The following DPP6 variants were observed in gnomAD, a reference collection of about 807,000 sequenced individuals.
DPP6 encodes A-type potassium channel modulatory protein DPP6.
A neutral mutation model predicts 122.6 loss-of-function variants in DPP6; 69 were observed. The ratio of observed to expected loss-of-function variants is 0.56; its 90% CI spans 0.46 to 0.69. DPP6 has a LOEUF of 0.69. Ranked by LOEUF, DPP6 falls within the 30% of genes least tolerant of loss-of-function variation. The probability of loss-of-function intolerance (pLI) is 0.00; values close to 1 mark genes in which losing one functional copy is unlikely to be tolerated. For synonymous variants in DPP6, 418 were observed against 433.1 expected, an observed-to-expected ratio of 0.97 and a Z score of 0.43; for missense variants, 928 against 1,116.9, an observed-to-expected ratio of 0.83 and a Z score of 2.41.
intron 1 of DPP6, among the ~76,000 whole-genome samples, chr7:154,248,079 G>A (rs1048451436): frequency 7.2e-5 from 11 of 152,044 alleles, no homozygotes; most frequent in African/African-American, 2.4e-5. Flanking sequence ...GCCTTCTCAC[G>A]GTGTTCTCAC....
chr7:154,563,120 A>G (rs537219915), intron 4 of DPP6, among the ~76,000 whole-genome samples: 1 of 152,354 alleles, frequency 6.6e-6, no homozygotes, highest in East Asian at 1.9e-4. Flanking sequence ...TTAGCTATTG[A>G]AGGACATGGA....
chr7:154,223,996 C>T (rs1800451189), intron 1 of DPP6, among the ~76,000 whole-genome samples: 1 of 146,726 alleles, frequency 6.8e-6, no homozygotes, highest in South Asian at 2.2e-4. Context: ...CAGACAGGGA[C>T]ACACAGCCTG....
intron 6 of DPP6, among the ~76,000 whole-genome samples, chr7:154,647,887 A>G (rs1387180): frequency 0.27 from 40,550 of 151,794 alleles, 5,516 homozygotes; most frequent in African/African-American, 0.29. Flanking sequence ...AGAAAGGCCC[A>G]TGGGTGTCTC....
At chr7:154,855,579 G>C (rs1802766250) in intron 17 of DPP6, among the ~76,000 whole-genome samples, 1 of 152,132 alleles carries the variant, frequency 6.6e-6, no homozygotes, top group South Asian at 2.1e-4. Context: ...CGATTGCCTG[G>C]GTCTCTCACC....
At chr7:154,344,915 C>T (rs1314199074) in intron 1 of DPP6, among the ~76,000 whole-genome samples, 1 of 151,998 alleles carries the variant, frequency 6.6e-6, no homozygotes, top group Non-Finnish European at 1.5e-5. Flanking sequence ...GAATAATAAC[C>T]TCCAAGTGCT....
rs918066983 is a variant in DPP6 at position 154,569,469 on chromosome 7, G to A, written c.627+2553G>A. ...TTGGTTACATAGTACTTCCCAAGTG[G>A]GTATTACAACATGTGATTCCAATCT... On this transcript the variant is annotated intron_variant, in intron 5 of 25. Coordinates refer to ENST00000377770, the MANE Select transcript of DPP6 (RefSeq NM_130797.4). Among the ~76,000 whole-genome samples the A allele has an allele frequency of 5.6e-4, 85 of 151,912 alleles. 1 individual carries two copies. Among genetic ancestry groups the A allele is most frequent in the African/African-American group, 1.8e-3 (76 of 41,340 alleles).
intron 2 of DPP6, among the ~76,000 whole-genome samples, chr7:154,456,275 C>T (rs1264750539): frequency 6.6e-6 from 1 of 152,176 alleles, no homozygotes; most frequent in African/African-American, 2.4e-5. Flanking sequence ...TATATCCATG[C>T]ACTTTCTCAG....
chr7:154,791,959 G>A (rs1797709903), intron 10 of DPP6, among the ~76,000 whole-genome samples: 1 of 152,216 alleles, frequency 6.6e-6, no homozygotes, highest in Non-Finnish European at 1.5e-5. Flanking sequence ...TAAGAATAGT[G>A]TGTAGTCATA....
At chr7:154,345,195 C>T (rs1174853970) in intron 1 of DPP6, among the ~76,000 whole-genome samples, 4 of 152,160 alleles carry the variant, frequency 2.6e-5, no homozygotes, top group African/African-American at 4.8e-5. Context: ...GTCTCCACAC[C>T]GGGCAGGAGG....
At chr7:154,808,237 A>G (rs1798822364) in intron 16 of DPP6, among the ~76,000 whole-genome samples, 1 of 152,172 alleles carries the variant, frequency 6.6e-6, no homozygotes, top group South Asian at 2.1e-4. Context: ...GCTAGCTACT[A>G]GAGAGCTCAT....
At chr7:154,617,032 A>G (rs762268833) in intron 5 of DPP6, among the ~76,000 whole-genome samples, 20 of 152,194 alleles carry the variant, frequency 1.3e-4, no homozygotes, top group Non-Finnish European at 2.8e-4. Flanking sequence ...AACGCCAAGT[A>G]TTTGTTCAGT....
intron 16 of DPP6, among the ~76,000 whole-genome samples, chr7:154,816,275 T>A (rs1799420016): frequency 6.6e-6 from 1 of 152,058 alleles, no homozygotes; most frequent in Admixed American, 6.5e-5. Context: ...ATAAGATATT[T>A]TGAGAGAGAG....
intron 1 of DPP6, among the ~76,000 whole-genome samples, chr7:154,423,414 A>G (rs1817647045): frequency 6.6e-6 from 1 of 152,122 alleles, no homozygotes; most frequent in African/African-American, 2.4e-5. Flanking sequence ...AGCTGGAACA[A>G]GTCATAAGCT....
At chr7:154,000,031 C>T (rs1797621511) in intron 1 of DPP6, among the ~76,000 whole-genome samples, 2 of 151,752 alleles carry the variant, frequency 1.3e-5, no homozygotes, top group African/African-American at 4.8e-5. Context: ...TATAAGATAG[C>T]TGGAAAAATA....
intron 7 of DPP6, among the ~76,000 whole-genome samples, chr7:154,690,404 G>A (rs1016669991): frequency 6.6e-6 from 1 of 152,096 alleles, no homozygotes; most frequent in East Asian, 1.9e-4. Context: ...CTCCTCCCTC[G>A]AGGGCCTCAC....
chr7:154,875,822 C>T lies in DPP6; in HGVS notation c.1884-84C>T, dbSNP rs1418004546. ...GCCGGGTCACGGGTAAAATCCCTTA[C>T]GGGGGTCATCTGACGTGGCAGCTGC... is the stretch of plus-strand genomic sequence containing the variant. On this transcript the variant is annotated intron_variant, in intron 19 of 25. Transcript: ENST00000377770. This position sits in a 1 kb window ranked among gnomAD's most constrained non-coding sequence, Gnocchi z 4.5. 41 of 1,519,372 alleles carry T rather than the reference C, an allele frequency of 2.7e-5. No homozygotes were observed. The highest frequency in any genetic ancestry group is 2.8e-5 in the Non-Finnish European group (32 of 1,131,932). 94.1% of individuals were successfully genotyped at this position (1,519,372 alleles called of 1,614,324 possible).
chr7:154,032,061 G>A (rs550950789), intron 1 of DPP6, among the ~76,000 whole-genome samples: 82 of 148,954 alleles, frequency 5.5e-4, no homozygotes, highest in African/African-American at 1.8e-3. Context: ...TAGTAGAGAC[G>A]GGGTTTCACC....
chr7:154,169,195 C>T (rs1797410303), intron 1 of DPP6, among the ~76,000 whole-genome samples: 1 of 152,138 alleles, frequency 6.6e-6, no homozygotes, highest in Non-Finnish European at 1.5e-5. Context: ...TCCTCTCTTC[C>T]AGCTTCAGTT....
intron 3 of DPP6, among the ~76,000 whole-genome samples, chr7:154,503,230 T>C (rs905549616): frequency 6.6e-6 from 1 of 152,232 alleles, no homozygotes; most frequent in African/African-American, 2.4e-5. Context: ...ATGTTTGTCC[T>C]TATATTTGCT....
Sources: allele counts gnomAD v4.1 joint callset (sites outside exome capture counted in the v4.1 genomes callset), GRCh38; gene constraint gnomAD v4.1.1; non-coding constraint Gnocchi (gnomAD v3.1); transcripts MANE v1.5; gene names NCBI Gene and HGNC (gene_info 2026-07-23, HGNC 2026-07-21).